The following SSRP1 variants were observed in gnomAD, a reference collection of about 807,000 sequenced individuals.
The protein encoded by SSRP1 is structure specific recognition protein 1.
SSRP1 carries 21 observed loss-of-function variants against 84.4 expected under a neutral mutation model. The ratio of observed to expected loss-of-function variants is 0.25; its 90% CI spans 0.18 to 0.36. The LOEUF is 0.36. Ranked by LOEUF, SSRP1 falls within the 10% of genes least tolerant of loss-of-function variation. The pLI is 1.00. For missense variants in SSRP1, 519 were observed against 900.8 expected (o/e 0.58, Z 5.43); for synonymous variants, 319 against 318.3 (o/e 1.00, Z -0.02).
intron 14 of SSRP1, 90 bp downstream of exon 14, chr11:57,327,622 G>C: frequency 6.3e-6 from 10 of 1,598,664 alleles, no homozygotes; most frequent in Non-Finnish European, 8.6e-6. Context: ...GGCTCATACT[G>C]CTCCCCTATC....
intron 3 of SSRP1, among the ~76,000 whole-genome samples, 162 bp downstream of exon 3, chr11:57,334,301 C>A (rs910436357): frequency 6.6e-6 from 1 of 152,234 alleles, no homozygotes; most frequent in Non-Finnish European, 1.5e-5. Flanking sequence ...AAGACTTCAA[C>A]GCTCAAAGCC....
chr11:57,326,925 A>G (rs1358086776), intron 15 of SSRP1, 36 bp from the exon 16 acceptor site: 3 of 1,530,728 alleles, frequency 2.0e-6, no homozygotes, highest in South Asian at 1.2e-5. Flanking sequence ...CTGGGCCTTC[A>G]GGTCCCCTGT....
Position 57,330,189 on chromosome 11 carries a change from C to G in SSRP1, c.1436-51G>C, listed in dbSNP as rs1205083120. 6.2e-7 allele frequency: 1 copy of G among 1,614,074 alleles called. No homozygotes were observed. The highest frequency in any genetic ancestry group is 8.5e-7 in the Non-Finnish European group (1 of 1,180,046). ...GCTTCTGCCCCAATGGAAATCCCCC[C>G]ACCTCACCCAGGCACCCAGCTCTGG... On this transcript the variant is annotated intron_variant, in intron 11 of 16. Transcript: ENST00000278412. This position sits in a 1 kb window ranked among gnomAD's most constrained non-coding sequence, Gnocchi z 4.0.
Position 57,330,762 on chromosome 11 carries a change from G to T in SSRP1, c.1296+93C>A. On this transcript the variant is annotated intron_variant, in intron 10 of 16. Transcript: ENST00000278412. This position sits in a 1 kb window ranked among gnomAD's most constrained non-coding sequence, Gnocchi z 4.0. Reference sequence around the variant, plus strand: ...TTTTTCTATAAGGGTAAGAAGAGAAGAAAGAGTGAAAAAGAAGCCGGAAAA... The same window carrying T: ...TTTTTCTATAAGGGTAAGAAGAGAATAAAGAGTGAAAAAGAAGCCGGAAAA... 6.3e-7 allele frequency: 1 copy of T among 1,598,806 alleles called. No individual in the cohort carries two copies. Among genetic ancestry groups the T allele is most frequent in the African/African-American group, 1.3e-5 (1 of 74,588 alleles).
Position 57,330,141 on chromosome 11 carries a change from G to A in SSRP1, c.1436-3C>T. 6.2e-7 allele frequency: 1 copy of A among 1,614,138 alleles called. No individual in the cohort carries two copies. Among genetic ancestry groups the A allele is most frequent in the Non-Finnish European group, 8.5e-7 (1 of 1,180,022 alleles). On this transcript the variant is annotated splice_region_variant and splice_polypyrimidine_tract_variant and intron_variant, in intron 11 of 16. Coordinates refer to ENST00000278412, the MANE Select transcript of SSRP1 (RefSeq NM_003146.3). This position sits in a 1 kb window ranked among gnomAD's most constrained non-coding sequence, Gnocchi z 4.0. ...TTCACCTGGGTTGAATGACTCATCT[G>A]AAAAAGGGCACAGGATGCATCAGCT...
intron 4 of SSRP1, 60 bp from the exon 5 acceptor site, chr11:57,333,209 T>C: frequency 6.5e-7 from 1 of 1,534,726 alleles, no homozygotes; most frequent in Non-Finnish European, 8.8e-7. Context: ...ATAAGCAATA[T>C]TCCCACCAAA....
intron 13 of SSRP1, 128 bp downstream of exon 13, chr11:57,328,169 T>C (rs1420741105): frequency 7.1e-7 from 1 of 1,406,884 alleles, no homozygotes; most frequent in Non-Finnish European, 9.6e-7. Context: ...CTATAATCAC[T>C]GGCTATAAAA....
In SSRP1 at chr11:57,333,016, G is replaced by C; in HGVS notation, c.480C>G (p.Leu160=). 6.2e-7 allele frequency: 1 copy of C among 1,614,152 alleles called. No individual in the cohort carries two copies. The highest frequency in any genetic ancestry group is 8.5e-7 in the Non-Finnish European group (1 of 1,180,028). Residue 160 remains leucine, a synonymous_variant, in exon 5 of 17, where the codon CTC becomes CTG. Transcript: ENST00000278412. ...FHQNDDAEVS[L]MEVRFYVPPT... ...GTGGGACGTAGAAGCGCACCTCCAT[G>C]AGAGACACCTCTGCGTCATCGTTTT...
At chr11:57,328,548 G>A in intron 12 of SSRP1, 122 bp from the exon 13 acceptor site, 1 of 1,378,168 alleles carries the variant, frequency 7.3e-7, no homozygotes, top group Non-Finnish European at 9.7e-7. Context: ...AAGACCAGAG[G>A]ACAGTATCCA....
chr11:57,333,156 G>A lies in SSRP1; in HGVS notation c.347-7C>T. The A allele has an allele frequency of 3.1e-6, 5 of 1,602,586 alleles. No individual in the cohort carries two copies. Among genetic ancestry groups the A allele is most frequent in the East Asian group, 2.2e-5 (1 of 44,710 alleles). ...TCAAAGGAAAGCAGCTGCCCTGTGA[G>A]GAAAGGGCTTATCCAGCCACAAGCT... On this transcript the variant is annotated splice_region_variant and splice_polypyrimidine_tract_variant and intron_variant, in intron 4 of 16. Coordinates refer to ENST00000278412, the MANE Select transcript of SSRP1 (RefSeq NM_003146.3).
In SSRP1 at chr11:57,330,224, G is replaced by A. The variant is rs1309158488; in HGVS notation, c.1435+67C>T. 1.2e-6 allele frequency: 2 copies of A among 1,614,014 alleles called. No individual in the cohort carries two copies. The highest frequency in any genetic ancestry group is 1.7e-6 in the Non-Finnish European group (2 of 1,179,992). Reference sequence around the variant, plus strand: ...AGGCACCCAGCTCTGGCCCAAGGGTGAGTCCAGCCCGGGCCACAGCGAGGA... The same window carrying A: ...AGGCACCCAGCTCTGGCCCAAGGGTAAGTCCAGCCCGGGCCACAGCGAGGA... On this transcript the variant is annotated intron_variant, in intron 11 of 16. Transcript: ENST00000278412. The surrounding 1 kb of genome is among the most constrained non-coding windows in gnomAD (Gnocchi z 4.0).
Position 57,335,188 on chromosome 11 carries a change from G to A in SSRP1, c.-67C>T. 1 of 1,578,772 alleles carries A rather than the reference G, an allele frequency of 6.3e-7. No homozygotes were observed. Among genetic ancestry groups the A allele is most frequent in the Non-Finnish European group, 8.7e-7 (1 of 1,149,012 alleles). On this transcript the variant is annotated 5_prime_UTR_variant, in exon 2 of 17. Transcript: ENST00000278412. This position sits in a 1 kb window ranked among gnomAD's most constrained non-coding sequence, Gnocchi z 4.6. ...GCACAAGGGAAACCAAGTAAACTGG[G>A]AGCTGGGCCCCAACTCCTGAGTGGG... is the stretch of plus-strand genomic sequence containing the variant.
chr11:57,332,518 C>A lies in SSRP1; in HGVS notation c.769-32G>T, dbSNP rs553741376. ...AGGAAGAGTACTAATTGACACTCTA[C>A]AACAACTTGCAATTAACCAACGTAG... On this transcript the variant is annotated intron_variant, in intron 6 of 16. Coordinates refer to ENST00000278412, the MANE Select transcript of SSRP1 (RefSeq NM_003146.3). This position sits in a 1 kb window ranked among gnomAD's most constrained non-coding sequence, Gnocchi z 5.5. The A allele has an allele frequency of 7.4e-6, 12 of 1,611,352 alleles. No individual in the cohort carries two copies. The African/African-American group carries it at 9.3e-5, about 13-fold the overall frequency.
intron 8 of SSRP1, 85 bp from the exon 9 acceptor site, chr11:57,331,974 T>C: frequency 6.7e-7 from 1 of 1,491,184 alleles, no homozygotes; most frequent in East Asian, 2.4e-5. Flanking sequence ...CGAGTGCTCA[T>C]GTCCTCGACT....
At chr11:57,327,166 C>T (rs1273635158) in intron 15 of SSRP1, 1 of 659,558 alleles carries the variant, frequency 1.5e-6, no homozygotes, top group East Asian at 2.7e-5. Flanking sequence ...GCACTGCACT[C>T]CATAATAGTA....
Position 57,326,151 on chromosome 11 carries a change from G to GT in SSRP1, c.*255dup. 1.8e-5 allele frequency: 10 copies of GT among 554,268 alleles called. No individual in the cohort carries two copies. The highest frequency in any genetic ancestry group is 3.2e-5 in the Non-Finnish European group (10 of 310,704). 34.3% of individuals were successfully genotyped at this position (554,268 alleles called of 1,614,324 possible). Reference sequence around the variant, plus strand: ...CAGCTACATCCTTAAGGTCGGGAAAGTAAGATGAGGATTTGGATCCTGCAT... The same window carrying GT: ...CAGCTACATCCTTAAGGTCGGGAAAGTTAAGATGAGGATTTGGATCCTGCAT... On this transcript the variant is annotated 3_prime_UTR_variant, in exon 17 of 17. Transcript: ENST00000278412.
chr11:57,327,948 A>C, intron 13 of SSRP1, 66 bp from the exon 14 acceptor site: 1 of 1,565,740 alleles, frequency 6.4e-7, no homozygotes, highest in Non-Finnish European at 8.7e-7. Context: ...CAAATAAATT[A>C]TTTAGATCAC....
In SSRP1 at chr11:57,331,805, G is replaced by A; in HGVS notation, c.1086C>T (p.Val362=). The change falls in exon 9 of 17, where the codon GTC becomes GTT. Residue 362 remains valine (V), a synonymous_variant. Coordinates refer to ENST00000278412, the MANE Select transcript of SSRP1 (RefSeq NM_003146.3). ...LYPLERGFIY[V]HKPPVHIRFD... ...AGCGGATGTGCACAGGTGGCTTGTG[G>A]ACGTAGATGAAGCCCCGCTCCAGCG... is the stretch of plus-strand genomic sequence containing the variant. The A allele has an allele frequency of 6.2e-7, 1 of 1,614,254 alleles. No homozygotes were observed. Among genetic ancestry groups the A allele is most frequent in the Non-Finnish European group, 8.5e-7 (1 of 1,180,048 alleles).
chr11:57,326,969 G>A, intron 15 of SSRP1, 80 bp from the exon 16 acceptor site: 1 of 1,460,494 alleles, frequency 6.8e-7, no homozygotes, highest in Admixed American at 2.6e-5. Context: ...CTTTAACAAG[G>A]CCTTTCCCAA....
Sources: allele counts gnomAD v4.1 joint callset (sites outside exome capture counted in the v4.1 genomes callset), GRCh38; gene constraint gnomAD v4.1.1; non-coding constraint Gnocchi (gnomAD v3.1); transcripts MANE v1.5; gene names NCBI Gene and HGNC (gene_info 2026-07-23, HGNC 2026-07-21).